Variants in SLC18A1 observed in about 807,000 individuals in gnomAD.
SLC18A1 encodes the protein chromaffin granule amine transporter.
A neutral mutation model predicts 53.7 loss-of-function variants in SLC18A1; 69 were observed. The ratio of observed to expected loss-of-function variants is 1.28; its 90% CI spans 1.06 to 1.57. SLC18A1 has a LOEUF of 1.57. Among genes scored for constraint, SLC18A1 ranks in the 40% most tolerant of loss-of-function variants. SLC18A1 has a pLI of 0.00. For synonymous variants in SLC18A1, 320 were observed against 248.1 expected (o/e 1.29, Z -2.72); for missense variants, 932 against 668.1 (o/e 1.40, Z -4.35).
chr8:20,170,128 C>G (rs1563756851), intron 8 of SLC18A1, among the ~76,000 whole-genome samples: 2 of 152,088 alleles, frequency 1.3e-5, no homozygotes, highest in East Asian at 1.9e-4. Flanking sequence ...TTATGACTTC[C>G]CTCTCCAGGA....
In SLC18A1 at chr8:20,147,652, C is replaced by G. The variant is rs536694184; in HGVS notation, c.1281G>C (p.Gly427=). 1.2e-6 allele frequency: 2 copies of G among 1,614,132 alleles called. No individual in the cohort carries two copies. Among genetic ancestry groups the G allele is most frequent in the East Asian group, 2.2e-5 (1 of 44,882 alleles). The change falls in exon 14 of 16, where the codon GGG becomes GGC. Residue 427 remains glycine, a synonymous_variant. Transcript: ENST00000276373. ...CCACATCAGCGATGGCGTAGACACT[C>G]CCATACACCGAGGTGTGGCGTAGAT... is the stretch of plus-strand genomic sequence containing the variant. ...LVDLRHTSVY[G]SVYAIADVAF...
intron 10 of SLC18A1, among the ~76,000 whole-genome samples, chr8:20,158,687 C>T (rs150722933): frequency 0.035 from 5,367 of 152,170 alleles, 317 homozygotes; most frequent in African/African-American, 0.12. Context: ...AGAAACCCAA[C>T]GGACAGTGGA....
chr8:20,171,196 G>C, intron 7 of SLC18A1, 50 bp from the exon 8 acceptor site: 1 of 1,592,264 alleles, frequency 6.3e-7, no homozygotes, highest in Non-Finnish European at 8.6e-7. Flanking sequence ...TGATTAGCTG[G>C]GGGCTCCAAT....
At chr8:20,175,861 C>G (rs565432494) in intron 4 of SLC18A1, 3 of 152,210 alleles carry the variant, frequency 2.0e-5, no homozygotes, top group Non-Finnish European at 4.4e-5. Context: ...CATTCTTGGT[C>G]TCTTCTTTCC....
At position 20,179,319 on chromosome 8, in the gene SLC18A1, G is replaced by A. The variant is rs1233802361; in HGVS notation, c.290C>T (p.Pro97Leu). 1.9e-6 allele frequency: 3 copies of A among 1,614,082 alleles called. No individual in the cohort carries two copies. Among genetic ancestry groups the A allele is most frequent in the Admixed American group, 1.7e-5 (1 of 60,008 alleles). The change falls in exon 3 of 16, where the codon CCT becomes CTT. Residue 97 changes from proline to leucine, a missense_variant. Transcript: ENST00000276373. ...GTCATTCATCCATGCTATTCCACTA[G>A]GTACGCTTTCTTCAACAGCCACGGT... The part of the protein sequence containing the change: ...NNTVAVEESV[P>L]SGIAWMNDTA...
chr8:20,154,915 C>T (rs936279612), intron 10 of SLC18A1, among the ~76,000 whole-genome samples: 1 of 152,164 alleles, frequency 6.6e-6, no homozygotes, highest in African/African-American at 2.4e-5. Context: ...GTCCACTGCA[C>T]TTCTGATCCA....
At chr8:20,178,076 T>C (rs1406555820) in intron 4 of SLC18A1, among the ~76,000 whole-genome samples, 2 of 151,768 alleles carry the variant, frequency 1.3e-5, no homozygotes, top group African/African-American at 2.4e-5. Flanking sequence ...TTCTCATAGA[T>C]GGAAAGTTTG....
Position 20,178,456 on chromosome 8 carries a change from T to C in SLC18A1, c.526A>G (p.Ile176Val). The C allele has an allele frequency of 6.2e-7, 1 of 1,607,250 alleles. No individual in the cohort carries two copies. Among genetic ancestry groups the C allele is most frequent in the Non-Finnish European group, 8.5e-7 (1 of 1,177,280 alleles). The change falls in exon 4 of 16, where the codon ATC (isoleucine) becomes GTC (valine). Residue 176 changes from isoleucine to valine, a missense_variant. Transcript: ENST00000276373. Reference protein sequence around the residue: ...YHIPMFAGFVIMFLSTVMFAF... With the variant: ...YHIPMFAGFVVMFLSTVMFAF... ...TTACTAACTGTGGAGAGAAACATGA[T>C]AACAAAGCCAGCAAACATGGGGATA...
intron 8 of SLC18A1, among the ~76,000 whole-genome samples, chr8:20,168,289 C>A (rs1268341004): frequency 6.6e-6 from 1 of 151,874 alleles, no homozygotes; most frequent in African/African-American, 2.4e-5. Flanking sequence ...GTCACTTGAA[C>A]CCAAGAGTTG....
At chr8:20,173,900 T>C (rs201887252) in intron 5 of SLC18A1, among the ~76,000 whole-genome samples, 39,276 of 149,180 alleles carry the variant, frequency 0.26, 6,068 homozygotes, top group Non-Finnish European at 0.36. Context: ...CCTTTCTTTT[T>C]TTTTTTTTTT....
intron 10 of SLC18A1, among the ~76,000 whole-genome samples, chr8:20,161,283 C>T (rs1420087641): frequency 6.6e-6 from 1 of 152,124 alleles, no homozygotes; most frequent in Non-Finnish European, 1.5e-5. Context: ...ACAAATTATA[C>T]TTGGCCCTTT....
At chr8:20,149,260 G>A (rs73669728) in intron 12 of SLC18A1, among the ~76,000 whole-genome samples, 3,567 of 152,122 alleles carry the variant, frequency 0.023, 142 homozygotes, top group African/African-American at 0.083. Context: ...GGTTCCCTGG[G>A]GATTTATGAG....
chr8:20,149,589 C>CCT (rs60330468), intron 12 of SLC18A1, 87 bp downstream of exon 12: 9,302 of 789,078 alleles, frequency 0.012, 20 homozygotes, highest in East Asian at 0.028. Flanking sequence ...TCTCTCTCTC[C>CCT]CTCTCTCTCT....
intron 10 of SLC18A1, among the ~76,000 whole-genome samples, chr8:20,157,460 C>T (rs766194084): frequency 2.0e-5 from 3 of 152,096 alleles, no homozygotes; most frequent in Non-Finnish European, 2.9e-5. Context: ...GAGATTGGTG[C>T]CGCAGACATT....
chr8:20,159,690 T>C (rs1433233299), intron 10 of SLC18A1, among the ~76,000 whole-genome samples: 1 of 135,066 alleles, frequency 7.4e-6, no homozygotes. Flanking sequence ...AAAAGAAATC[T>C]CTGAAATATG....
chr8:20,150,294 A>G lies in SLC18A1; in HGVS notation c.1094+372T>C, dbSNP rs926168605. Among the ~76,000 whole-genome samples the G allele has an allele frequency of 7.2e-5, 11 of 152,190 alleles. No individual in the cohort carries two copies. In the East Asian group the frequency reaches 1.9e-3, roughly 27 times the overall value. On this transcript the variant is annotated intron_variant, in intron 11 of 15. Transcript: ENST00000276373. ...CCTCAGTGGCCTCTGGGGTGCCTCTATAGAACTCCTTAGGATTCCACAGAA... is the reference window on the plus strand; with the variant it reads ...CCTCAGTGGCCTCTGGGGTGCCTCTGTAGAACTCCTTAGGATTCCACAGAA...
At chr8:20,173,430 A>C (rs1288781533) in intron 5 of SLC18A1, among the ~76,000 whole-genome samples, 1 of 152,124 alleles carries the variant, frequency 6.6e-6, no homozygotes. Flanking sequence ...TTCCTAGCAC[A>C]TTTCCCAAAA....
chr8:20,155,382 G>T (rs1162630619), intron 10 of SLC18A1, among the ~76,000 whole-genome samples: 1 of 152,204 alleles, frequency 6.6e-6, no homozygotes, highest in African/African-American at 2.4e-5. Context: ...TCAGCTGGGA[G>T]GCTTTCTGGG....
chr8:20,182,594 T>C (rs1397367113), intron 1 of SLC18A1, among the ~76,000 whole-genome samples: 2 of 152,232 alleles, frequency 1.3e-5, no homozygotes, highest in Non-Finnish European at 2.9e-5. Context: ...TAATTTTAAA[T>C]GATTATCACT....
Sources: allele counts gnomAD v4.1 joint callset (sites outside exome capture counted in the v4.1 genomes callset), GRCh38; gene constraint gnomAD v4.1.1; transcripts MANE v1.5; gene names NCBI Gene and HGNC (gene_info 2026-07-23, HGNC 2026-07-21).